Variants in CYP2C18 observed in about 807,000 individuals in gnomAD.
CYP2C18 encodes cytochrome P450 family 2 subfamily C member 18.
A neutral mutation model predicts 41.3 loss-of-function variants in CYP2C18; 38 were observed. The ratio of observed to expected loss-of-function variants is 0.92; its 90% CI spans 0.71 to 1.21. CYP2C18 has a LOEUF of 1.21. Among genes scored for constraint, CYP2C18 ranks in the 50% most tolerant of loss-of-function variants. CYP2C18 has a pLI of 0.00. For synonymous variants in CYP2C18, 236 were observed against 210.0 expected (o/e 1.12, Z -1.07); for missense variants, 635 against 591.4 (o/e 1.07, Z -0.77).
At chr10:94,720,113 G>T (rs1167889096) in intron 5 of CYP2C18, among the ~76,000 whole-genome samples, 1 of 152,022 alleles carries the variant, frequency 6.6e-6, no homozygotes, top group Admixed American at 6.6e-5. Flanking sequence ...CCATCAACAG[G>T]TACCTGCTTA....
chr10:94,690,659 T>A (rs1248393337), intron 3 of CYP2C18, among the ~76,000 whole-genome samples: 2 of 152,186 alleles, frequency 1.3e-5, no homozygotes, highest in Non-Finnish European at 2.9e-5. Context: ...GAGGGAATCC[T>A]CTCTAACTCA....
intron 7 of CYP2C18, among the ~76,000 whole-genome samples, chr10:94,725,079 TA>T (rs1406326534): frequency 6.8e-6 from 1 of 147,988 alleles, no homozygotes; most frequent in South Asian, 2.1e-4. Flanking sequence ...ATATATAATA[TA>T]AAATATATAT....
intron 5 of CYP2C18, among the ~76,000 whole-genome samples, 190 bp from the exon 6 acceptor site, chr10:94,720,206 A>G (rs1445315285): frequency 6.6e-6 from 1 of 152,148 alleles, no homozygotes; most frequent in African/African-American, 2.4e-5. Flanking sequence ...CAAGCAATGG[A>G]TAAGTAGGAA....
At chr10:94,693,641 G>T (rs1466546427) in intron 3 of CYP2C18, among the ~76,000 whole-genome samples, 1 of 152,062 alleles carries the variant, frequency 6.6e-6, no homozygotes, top group Non-Finnish European at 1.5e-5. Flanking sequence ...ATTATCCCCT[G>T]CCTTCCAGGC....
chr10:94,726,845 A>G (rs1006083683), intron 7 of CYP2C18, among the ~76,000 whole-genome samples: 3 of 152,128 alleles, frequency 2.0e-5, no homozygotes, highest in Admixed American at 6.6e-5. Flanking sequence ...AAGCGAGTAC[A>G]TATTGCCATT....
chr10:94,696,408 C>T (rs181235350), intron 4 of CYP2C18, among the ~76,000 whole-genome samples: 1 of 152,186 alleles, frequency 6.6e-6, no homozygotes, highest in Non-Finnish European at 1.5e-5. Context: ...AACAGACCTG[C>T]AGCTGAGGGT....
intron 1 of CYP2C18, among the ~76,000 whole-genome samples, chr10:94,684,264 C>A (rs1013260156): frequency 6.6e-6 from 1 of 152,054 alleles, no homozygotes; most frequent in African/African-American, 2.4e-5. Context: ...TAATTATAGT[C>A]ACCTTGCTGT....
chr10:94,699,981 C>T (rs1342743980), intron 4 of CYP2C18, among the ~76,000 whole-genome samples: 1 of 152,078 alleles, frequency 6.6e-6, no homozygotes, highest in African/African-American at 2.4e-5. Context: ...TAAAAGAGGA[C>T]ACAAACAAAT....
At chr10:94,708,918 A>G (rs2134192526) in intron 5 of CYP2C18, among the ~76,000 whole-genome samples, 1 of 152,232 alleles carries the variant, frequency 6.6e-6, no homozygotes, top group South Asian at 2.1e-4. Context: ...TCATTCCTTT[A>G]TGTGGTCAAA....
intron 3 of CYP2C18, among the ~76,000 whole-genome samples, chr10:94,694,684 C>A (rs146250552): frequency 1.5e-4 from 23 of 152,022 alleles, no homozygotes; most frequent in Admixed American, 3.9e-4. Context: ...AAAGGCAGTG[C>A]GGTAAATGCA....
chr10:94,731,389 AT>A (rs1213845474), intron 7 of CYP2C18, among the ~76,000 whole-genome samples: 1 of 151,906 alleles, frequency 6.6e-6, no homozygotes, highest in African/African-American at 2.4e-5. Context: ...CAAAAAAAAA[AT>A]AAAATAAAAA....
intron 8 of CYP2C18, chr10:94,733,766 G>C: frequency 4.8e-6 from 1 of 209,376 alleles, no homozygotes; most frequent in Non-Finnish European, 8.3e-6. Context: ...TCTGCCATGA[G>C]AAAAGTATCT....
chr10:94,722,031 G>A (rs1224887031), intron 6 of CYP2C18, among the ~76,000 whole-genome samples: 1 of 152,142 alleles, frequency 6.6e-6, no homozygotes, highest in Admixed American at 6.6e-5. Flanking sequence ...CCAGTAGTGG[G>A]ATTGCTGGAT....
intron 5 of CYP2C18, among the ~76,000 whole-genome samples, chr10:94,713,245 A>G (rs1457280629): frequency 1.3e-5 from 2 of 151,888 alleles, no homozygotes; most frequent in Admixed American, 6.6e-5. Flanking sequence ...GGTTTGTTAC[A>G]TATGTATACA....
chr10:94,725,123 A>G (rs532281001), intron 7 of CYP2C18, among the ~76,000 whole-genome samples: 81 of 148,800 alleles, frequency 5.4e-4, no homozygotes, highest in Middle Eastern at 7.1e-3. Context: ...TATTAAAAAT[A>G]TATTTTCAAA....
chr10:94,726,525 A>AT (rs1026571814), intron 7 of CYP2C18, among the ~76,000 whole-genome samples: 6 of 152,036 alleles, frequency 3.9e-5, no homozygotes, highest in African/African-American at 1.4e-4. Flanking sequence ...TGAAGTCATC[A>AT]TTTTTTATGG....
intron 4 of CYP2C18, among the ~76,000 whole-genome samples, chr10:94,704,485 A>G (rs934397300): frequency 2.0e-5 from 3 of 151,872 alleles, no homozygotes; most frequent in African/African-American, 7.2e-5. Flanking sequence ...AGAGACATAG[A>G]AAAAATATAT....
At chr10:94,735,164 CATCT>C in intron 8 of CYP2C18, 95 bp from the exon 9 acceptor site, 3 of 1,209,942 alleles carry the variant, frequency 2.5e-6, no homozygotes, top group South Asian at 2.7e-5. Flanking sequence ...TCGATCCATC[CATCT>C]ATTTAATCAT....
At chr10:94,724,197 A>C (rs1847693604) in intron 6 of CYP2C18, 149 bp from the exon 7 acceptor site, 1 of 741,280 alleles carries the variant, frequency 1.3e-6, no homozygotes. Flanking sequence ...ATAATGTAGT[A>C]ATTTCTTCCC....
Sources: allele counts gnomAD v4.1 joint callset (sites outside exome capture counted in the v4.1 genomes callset), GRCh38; gene constraint gnomAD v4.1.1; transcripts MANE v1.5; gene names NCBI Gene and HGNC (gene_info 2026-07-23, HGNC 2026-07-21).